GLB1L3: variants seen among roughly 807,000 people sequenced by gnomAD.
GLB1L3 encodes the protein beta-galactosidase-1-like protein 3.
In GLB1L3, 89 loss-of-function variants were observed where a neutral mutation model predicts 89.5. That is an observed-to-expected ratio of 0.99 (90% CI 0.84 to 1.19). GLB1L3 has a LOEUF of 1.19. Ranked by LOEUF, GLB1L3 falls within the 50% of genes most tolerant of loss-of-function variation. The pLI is 0.00. For synonymous variants in GLB1L3, 314 were observed against 312.3 expected, an observed-to-expected ratio of 1.01 and a Z score of -0.06; for missense variants, 812 against 813.3, an observed-to-expected ratio of 1.00 and a Z score of 0.02.
chr11:134,291,717 G>A (rs1475728609), intron 7 of GLB1L3, among the ~76,000 whole-genome samples: 2 of 152,190 alleles, frequency 1.3e-5, no homozygotes, highest in Non-Finnish European at 1.5e-5. Flanking sequence ...GCTCATACCT[G>A]TAATCTGAGT....
rs141428406 is a variant in GLB1L3 at position 134,284,688 on chromosome 11, C to T, written c.636+843C>T. Among the ~76,000 whole-genome samples the T allele has an allele frequency of 6.5e-3, 994 of 152,050 alleles. 9 individuals carry two copies. Among genetic ancestry groups the T allele is most frequent in the Non-Finnish European group, 0.011 (725 of 67,970 alleles). ...AGATTACAGTGAGACAAGATCATGC[C>T]GCCACACTCCAGCCTGGGCAACAGA... is the stretch of plus-strand genomic sequence containing the variant. On this transcript the variant is annotated intron_variant, in intron 6 of 19. Transcript: ENST00000431683.
chr11:134,305,052 T>C (rs1942128978), intron 9 of GLB1L3: 1 of 1,537,862 alleles, frequency 6.5e-7, no homozygotes, highest in African/African-American at 1.4e-5. Context: ...AGTGGCACAA[T>C]GCTGTAGGCA....
chr11:134,284,406 C>G (rs915553662), intron 6 of GLB1L3, among the ~76,000 whole-genome samples: 4 of 151,882 alleles, frequency 2.6e-5, no homozygotes, highest in Non-Finnish European at 5.9e-5. Context: ...CACACTGTTC[C>G]CTAGTAGGGA....
At chr11:134,308,544 TCAC>T (rs1565414379) in intron 10 of GLB1L3, among the ~76,000 whole-genome samples, 2 of 16,510 alleles carry the variant, frequency 1.2e-4, no homozygotes, top group Non-Finnish European at 1.7e-4. Context: ...ACCACCACCA[TCAC>T]CATCACCATC....
rs542154732 is a variant in GLB1L3 at position 134,281,309 on chromosome 11, G to A, written c.363-68G>A. 1.6e-5 allele frequency: 25 copies of A among 1,588,770 alleles called. No homozygotes were observed. The South Asian group carries it at 2.1e-4, about 13-fold the overall frequency. On this transcript the variant is annotated intron_variant, in intron 3 of 19. Coordinates refer to ENST00000431683, the MANE Select transcript of GLB1L3 (RefSeq NM_001080407.3). ...ATGCATGGTTTTGGCTTGGATTTGG[G>A]GCAGACCTAACAATTTGGAGGAAGA...
intron 10 of GLB1L3, among the ~76,000 whole-genome samples, chr11:134,308,508 C>A (rs1384522346): frequency 1.1e-5 from 1 of 91,726 alleles, no homozygotes; most frequent in Admixed American, 1.1e-4. Flanking sequence ...AATACCACCA[C>A]CACCACCACC....
intron 9 of GLB1L3, among the ~76,000 whole-genome samples, chr11:134,298,198 G>A (rs1321343128): frequency 2.0e-5 from 3 of 152,038 alleles, no homozygotes; most frequent in African/African-American, 7.2e-5. Flanking sequence ...TGTTCCAGGA[G>A]ATTCTTGGAT....
chr11:134,293,348 C>T, intron 9 of GLB1L3, 139 bp downstream of exon 9: 2 of 684,746 alleles, frequency 2.9e-6, no homozygotes, highest in Non-Finnish European at 5.0e-6. Flanking sequence ...GGTTCCAAGC[C>T]ATTTTGGGAG....
intron 9 of GLB1L3, among the ~76,000 whole-genome samples, chr11:134,302,508 A>G (rs1284483682): frequency 6.6e-6 from 1 of 152,170 alleles, no homozygotes; most frequent in Non-Finnish European, 1.5e-5. Flanking sequence ...CACTGATAAT[A>G]TTACTGAAAA....
chr11:134,279,179 G>A (rs1019975537), intron 3 of GLB1L3, among the ~76,000 whole-genome samples: 1 of 152,062 alleles, frequency 6.6e-6, no homozygotes, highest in Non-Finnish European at 1.5e-5. Flanking sequence ...TCTTTACCCT[G>A]AAAGTTTCTT....
chr11:134,308,195 ATC>A (rs1565412204), intron 10 of GLB1L3, among the ~76,000 whole-genome samples: 3 of 105,712 alleles, frequency 2.8e-5, no homozygotes, highest in East Asian at 3.2e-4. Context: ...CATCATCACC[ATC>A]ACCACTACCA....
At chr11:134,301,596 A>C (rs544710115) in intron 9 of GLB1L3, among the ~76,000 whole-genome samples, 1 of 152,216 alleles carries the variant, frequency 6.6e-6, no homozygotes, top group East Asian at 1.9e-4. Context: ...ATTGCAAATT[A>C]ATTTCAATTT....
chr11:134,281,290 G>C (rs1180590059), intron 3 of GLB1L3, 87 bp from the exon 4 acceptor site: 2 of 1,463,412 alleles, frequency 1.4e-6, no homozygotes, highest in Non-Finnish European at 1.9e-6. Flanking sequence ...AGCTATGCAT[G>C]GTTTTGGCTT....
At chr11:134,320,280 C>A (rs950911196), downstream of GLB1L3, among the ~76,000 whole-genome samples, 1 of 152,146 alleles carries the variant, frequency 6.6e-6, no homozygotes, top group African/African-American at 2.4e-5. Context: ...AGATTATCTT[C>A]TCTCCCACTA....
intron 18 of GLB1L3, among the ~76,000 whole-genome samples, chr11:134,316,206 CTT>C (rs1206889352): frequency 4.8e-5 from 7 of 144,956 alleles, no homozygotes; most frequent in Admixed American, 1.4e-4. Flanking sequence ...ACTCCCATAC[CTT>C]TTTTTTTTTT....
intron 9 of GLB1L3, among the ~76,000 whole-genome samples, chr11:134,294,721 G>A (rs1194661990): frequency 6.6e-6 from 1 of 152,174 alleles, no homozygotes; most frequent in African/African-American, 2.4e-5. Context: ...TTTCACATAA[G>A]CGCGCTCATG....
intron 9 of GLB1L3, among the ~76,000 whole-genome samples, 174 bp downstream of exon 9, chr11:134,293,383 G>A (rs1941466341): frequency 6.6e-6 from 1 of 152,112 alleles, no homozygotes; most frequent in Non-Finnish European, 1.5e-5. Context: ...GAAGGAGGAG[G>A]GAACCCTGCT....
chr11:134,304,593 C>T (rs1431151104), intron 9 of GLB1L3, among the ~76,000 whole-genome samples: 1 of 151,928 alleles, frequency 6.6e-6, no homozygotes, highest in Non-Finnish European at 1.5e-5. Context: ...TGTTTATTTT[C>T]CTTTTAGCTG....
intron 16 of GLB1L3, 132 bp from the exon 17 acceptor site, chr11:134,313,809 G>C (rs1301783382): frequency 1.5e-6 from 1 of 682,890 alleles, no homozygotes; most frequent in Non-Finnish European, 2.6e-6. Context: ...CAGCAGGTCA[G>C]ACAAATGTTT....
Sources: gnomAD v4.1 joint callset for allele counts (sites outside exome capture counted in the v4.1 genomes callset) on GRCh38, gnomAD v4.1.1 for gene constraint, MANE v1.5 for transcripts, NCBI Gene and HGNC (gene_info 2026-07-23, HGNC 2026-07-21) for gene names.